GOLGA3: variants seen among roughly 807,000 people sequenced by gnomAD.
GOLGA3 encodes golgin A3, also known as golgin subfamily A member 3.
In GOLGA3, 75 loss-of-function variants were observed where a neutral mutation model predicts 169.4. The observed-to-expected ratio is 0.44, with a 90% CI of 0.37 to 0.54. GOLGA3 has a LOEUF of 0.54. Among genes scored for constraint, GOLGA3 ranks in the 20% least tolerant of loss-of-function variants. GOLGA3 has a pLI of 0.00. For missense variants in GOLGA3, 1,899 were observed against 1,930.0 expected, an observed-to-expected ratio of 0.98 and a Z score of 0.30; for synonymous variants, 824 against 822.4, an observed-to-expected ratio of 1.00 and a Z score of -0.03.
At chr12:132,779,582 T>A (rs1255636566) in intron 18 of GOLGA3, among the ~76,000 whole-genome samples, 1 of 152,224 alleles carries the variant, frequency 6.6e-6, no homozygotes, top group Non-Finnish European at 1.5e-5. Context: ...ATTACTTTTT[T>A]ACAAGTTCAA....
chr12:132,791,325 G>T (rs372823077), intron 11 of GOLGA3, 32 bp from the exon 12 acceptor site: 10 of 1,271,252 alleles, frequency 7.9e-6, no homozygotes, highest in Non-Finnish European at 1.1e-5. Flanking sequence ...ACATTACACT[G>T]ACGGCTCCAG....
At chr12:132,799,537 G>C (rs141964579) in intron 8 of GOLGA3, among the ~76,000 whole-genome samples, 1 of 152,264 alleles carries the variant, frequency 6.6e-6, no homozygotes, top group East Asian at 1.9e-4. Flanking sequence ...CTACTTGGGG[G>C]GCTGAGGCAG....
At chr12:132,779,516 G>A (rs2045429336) in intron 18 of GOLGA3, among the ~76,000 whole-genome samples, 1 of 152,208 alleles carries the variant, frequency 6.6e-6, no homozygotes. Context: ...GCAAAGCCAG[G>A]TCATAGGAAC....
At chr12:132,815,311 G>A (rs988040801) in intron 3 of GOLGA3, among the ~76,000 whole-genome samples, 1 of 152,168 alleles carries the variant, frequency 6.6e-6, no homozygotes, top group African/African-American at 2.4e-5. Context: ...AGGGCCAGGC[G>A]CCAGCAGGAA....
At chr12:132,799,985 C>T (rs1949053176) in intron 8 of GOLGA3, among the ~76,000 whole-genome samples, 1 of 152,166 alleles carries the variant, frequency 6.6e-6, no homozygotes, top group South Asian at 2.1e-4. Context: ...AAGTGATCGG[C>T]CCGCCTCGGC....
intron 18 of GOLGA3, among the ~76,000 whole-genome samples, chr12:132,779,969 C>T (rs1213625238): frequency 7.3e-6 from 1 of 137,656 alleles, no homozygotes; most frequent in Non-Finnish European, 1.5e-5. Flanking sequence ...CACAACCCTT[C>T]CACGCACAGC....
chr12:132,786,710 C>T lies in GOLGA3; in HGVS notation c.2889G>A (p.Leu963=), dbSNP rs1420906417. The T allele has an allele frequency of 6.3e-7, 1 of 1,587,096 alleles. No individual in the cohort carries two copies. Among genetic ancestry groups the T allele is most frequent in the Admixed American group, 1.7e-5 (1 of 58,722 alleles). The change falls in exon 14 of 24, where the codon TTG becomes TTA. Residue 963 remains leucine (L), a synonymous_variant. Coordinates refer to ENST00000450791, the MANE Select transcript of GOLGA3 (RefSeq NM_001389683.1). ...NEALKKQIEE[L]QQEARKAITE... is the part of the protein sequence containing the mutation. ...AGACTTACTTCCGGGCCTCTTGCTGCAACTCTTCGATTTGTTTCTTCAGCG... is the reference window on the plus strand; with the variant it reads ...AGACTTACTTCCGGGCCTCTTGCTGTAACTCTTCGATTTGTTTCTTCAGCG...
chr12:132,828,525 G>C (rs1288239016), intron 1 of GOLGA3: 1 of 152,308 alleles, frequency 6.6e-6, no homozygotes, highest in Non-Finnish European at 1.5e-5. Context: ...GGACAGCTTC[G>C]GGACAGGCCG....
At chr12:132,784,425 G>A (rs1392279203) in intron 15 of GOLGA3, 118 bp from the exon 16 acceptor site, 2 of 838,918 alleles carry the variant, frequency 2.4e-6, no homozygotes, top group Non-Finnish European at 3.8e-6. Context: ...CCAGCTGTCT[G>A]ACACAGTCTC....
intron 8 of GOLGA3, 114 bp downstream of exon 8, chr12:132,801,653 T>C: frequency 9.7e-7 from 1 of 1,030,910 alleles, no homozygotes; most frequent in Non-Finnish European, 1.4e-6. Flanking sequence ...GACAGCAGGT[T>C]AAAAACAAAA....
rs147211229 is a variant in GOLGA3 at position 132,803,458 on chromosome 12, G to A, written c.1597+1258C>T. The stretch of plus-strand genomic sequence containing the variant: ...TGGCTAATTCCAACTTAAACCCACC[G>A]GTTAGGACTGGGCGGCCTCATCAAA... On this transcript the variant is annotated intron_variant, in intron 7 of 23. Transcript: ENST00000450791. 1.3e-4 allele frequency among the ~76,000 whole-genome samples: 20 copies of A among 152,242 alleles called. No individual in the cohort carries two copies. The East Asian group carries it at 2.7e-3, about 21-fold the overall frequency.
chr12:132,789,318 C>T (rs567808033), intron 12 of GOLGA3, 28 bp from the exon 13 acceptor site: 35 of 1,539,922 alleles, frequency 2.3e-5, no homozygotes, highest in South Asian at 1.1e-4. Flanking sequence ...TGTGAGCGGA[C>T]GCTGGGCGGC....
chr12:132,769,210 C>T lies in GOLGA3; in HGVS notation c.*3895G>A, dbSNP rs1315966634. The T allele has an allele frequency of 6.6e-6, 1 of 152,116 alleles. No individual in the cohort carries two copies. Among genetic ancestry groups the T allele is most frequent in the Admixed American group, 6.5e-5 (1 of 15,272 alleles). 9.4% of individuals were successfully genotyped at this position (152,116 alleles called of 1,614,324 possible). A position where few individuals can be genotyped will look rare whatever the true frequency, so the allele number is the denominator to read the frequency against. On this transcript the variant is annotated 3_prime_UTR_variant, in exon 24 of 24. Transcript: ENST00000450791. The stretch of plus-strand genomic sequence containing the variant: ...CCTTCCGGTCAGTGAGCTCAGAACA[C>T]CTCACACCACAGCGTCACTCAACTC...
chr12:132,795,180 C>A, intron 11 of GOLGA3, among the ~76,000 whole-genome samples: 1 of 120,578 alleles, frequency 8.3e-6, no homozygotes, highest in Admixed American at 9.6e-5. Context: ...AGTGAGACTC[C>A]ATCTCAAAAA....
chr12:132,779,223 G>A lies in GOLGA3; in HGVS notation c.3583-1418C>T, dbSNP rs111431072. 5.0e-4 allele frequency among the ~76,000 whole-genome samples: 76 copies of A among 152,210 alleles called. 1 individual carries two copies. Among genetic ancestry groups the A allele is most frequent in the African/African-American group, 1.8e-3 (76 of 41,550 alleles). Reference sequence around the variant, plus strand: ...GCCTCCCGAGTAGCTGGGACTACAGGCATGTGCCACCACGCCAGGCTAATT... The same window carrying A: ...GCCTCCCGAGTAGCTGGGACTACAGACATGTGCCACCACGCCAGGCTAATT... On this transcript the variant is annotated intron_variant, in intron 18 of 23. Transcript: ENST00000450791.
chr12:132,816,489 C>A, intron 3 of GOLGA3, 51 bp downstream of exon 3: 1 of 1,578,088 alleles, frequency 6.3e-7, no homozygotes, highest in Non-Finnish European at 8.6e-7. Context: ...TCCCAAGGGG[C>A]TGAGCGACGC....
At chr12:132,823,973 C>T (rs1335199858) in intron 1 of GOLGA3, among the ~76,000 whole-genome samples, 2 of 151,982 alleles carry the variant, frequency 1.3e-5, no homozygotes, top group Non-Finnish European at 2.9e-5. Flanking sequence ...ATCCCAGCTA[C>T]TCAGGAGGCT....
At position 132,784,058 on chromosome 12, in the gene GOLGA3, T is replaced by G. The variant is rs1450697188; in HGVS notation, c.3267+106A>C. 8 of 1,557,376 alleles carry G rather than the reference T, an allele frequency of 5.1e-6. No homozygotes were observed. The Admixed American group carries it at 1.5e-4, about 29-fold the overall frequency. ...GTGGCAACACCAAAAGTAGCAACGC[T>G]GGGCACACGGTGAAGTTTTGTTCTT... On this transcript the variant is annotated intron_variant, in intron 16 of 23. Coordinates refer to ENST00000450791, the MANE Select transcript of GOLGA3 (RefSeq NM_001389683.1).
intron 8 of GOLGA3, among the ~76,000 whole-genome samples, chr12:132,801,334 T>C (rs1443463558): frequency 6.6e-6 from 1 of 152,118 alleles, no homozygotes; most frequent in Admixed American, 6.5e-5. Context: ...AGAACCCCAC[T>C]GGCACCGCAC....
Sources: allele counts gnomAD v4.1 joint callset (sites outside exome capture counted in the v4.1 genomes callset), GRCh38; gene constraint gnomAD v4.1.1; transcripts MANE v1.5; gene names NCBI Gene and HGNC (gene_info 2026-07-23, HGNC 2026-07-21).